The following TM2D1 variants were observed in gnomAD, a reference collection of about 807,000 sequenced individuals.
TM2D1 encodes TM2 domain containing 1.
A neutral mutation model predicts 28.4 loss-of-function variants in TM2D1; 15 were observed. That is an observed-to-expected ratio of 0.53 (90% CI 0.35 to 0.81). The LOEUF (loss-of-function observed/expected upper bound fraction) is 0.81. TM2D1 is among the 40% of genes least tolerant of loss of function. The pLI is 0.01. For synonymous variants in TM2D1, 93 were observed against 96.2 expected, an observed-to-expected ratio of 0.97 and a Z score of 0.20; for missense variants, 236 against 254.9, an observed-to-expected ratio of 0.93 and a Z score of 0.50.
chr1:61,709,284 T>C lies in TM2D1; in HGVS notation c.347+45A>G, dbSNP rs764547012. On this transcript the variant is annotated intron_variant, in intron 3 of 6. Coordinates refer to ENST00000606498, the MANE Select transcript of TM2D1 (RefSeq NM_032027.3). ...CTCTCTTCATGCAATGAAGATATAA[T>C]ATAGGCAAGTAATCTGAAAATTTAA... The C allele has an allele frequency of 2.5e-6, 3 of 1,192,226 alleles. No individual in the cohort carries two copies. In the East Asian group the frequency reaches 7.1e-5, roughly 28 times the overall value. The allele number at this position is 1,192,226 out of a possible 1,614,324, so 73.9% of individuals were successfully genotyped here.
At chr1:61,720,238 C>T (rs1644553564) in intron 2 of TM2D1, among the ~76,000 whole-genome samples, 1 of 151,626 alleles carries the variant, frequency 6.6e-6, no homozygotes, top group Non-Finnish European at 1.5e-5. Flanking sequence ...AGACAGGACA[C>T]TTCTTTTTTT....
At chr1:61,716,501 A>G (rs1644522547) in intron 2 of TM2D1, among the ~76,000 whole-genome samples, 1 of 145,664 alleles carries the variant, frequency 6.9e-6, no homozygotes, top group African/African-American at 2.5e-5. Context: ...ATATAATTAT[A>G]TATAATTTTA....
At chr1:61,724,362 G>A (rs577866034) in intron 1 of TM2D1, 2 of 152,640 alleles carry the variant, frequency 1.3e-5, no homozygotes, top group South Asian at 2.1e-4. Context: ...GAACCCGGGA[G>A]GCGGAGGCTG....
At chr1:61,689,122 A>G (rs530014066) in intron 5 of TM2D1, among the ~76,000 whole-genome samples, 1 of 152,306 alleles carries the variant, frequency 6.6e-6, no homozygotes, top group African/African-American at 2.4e-5. Flanking sequence ...CCTTTCCAGC[A>G]TTGGTAGTAG....
At chr1:61,695,571 G>T (rs1430262907) in intron 4 of TM2D1, among the ~76,000 whole-genome samples, 2 of 152,056 alleles carry the variant, frequency 1.3e-5, no homozygotes, top group Non-Finnish European at 2.9e-5. Context: ...TATAAGACAA[G>T]ACTCTTTGTG....
chr1:61,691,931 AAATATATAT>A (rs1461955837), intron 5 of TM2D1, among the ~76,000 whole-genome samples: 1 of 95,390 alleles, frequency 1.0e-5, no homozygotes, highest in Non-Finnish European at 2.0e-5. Context: ...TAAAAAAAAA[AAATATATAT>A]ATATATATAT....
chr1:61,717,375 A>G (rs1465977755), intron 2 of TM2D1, among the ~76,000 whole-genome samples: 2 of 152,110 alleles, frequency 1.3e-5, no homozygotes, highest in Non-Finnish European at 2.9e-5. Context: ...CTCAAAAAAA[A>G]AAAAAGAAGC....
intron 3 of TM2D1, among the ~76,000 whole-genome samples, chr1:61,703,737 T>C (rs901949883): frequency 3.2e-5 from 4 of 123,404 alleles, no homozygotes; most frequent in African/African-American, 1.4e-4. Context: ...TATATATATA[T>C]ATATATATAT....
intron 2 of TM2D1, among the ~76,000 whole-genome samples, chr1:61,717,050 T>C (rs1644527257): frequency 6.6e-6 from 1 of 151,898 alleles, no homozygotes; most frequent in Non-Finnish European, 1.5e-5. Context: ...TATGACAAGA[T>C]CAAACAAGCC....
chr1:61,698,826 C>A (rs1644382119), intron 4 of TM2D1: 1 of 151,836 alleles, frequency 6.6e-6, no homozygotes. Context: ...CTCAAGCAAT[C>A]CCCCAACCTC....
chr1:61,691,932 A>AAAAAAAAAAAAAT, intron 5 of TM2D1, among the ~76,000 whole-genome samples: 1 of 76,402 alleles, frequency 1.3e-5, no homozygotes, highest in African/African-American at 4.7e-5. Flanking sequence ...AAAAAAAAAA[A>AAAAAAAAAAAAAT]ATATATATAT....
At chr1:61,719,735 C>A (rs1289479365) in intron 2 of TM2D1, among the ~76,000 whole-genome samples, 1 of 151,816 alleles carries the variant, frequency 6.6e-6, no homozygotes, top group East Asian at 1.9e-4. Context: ...CCTCAGGTGA[C>A]CCACCTGCCT....
intron 4 of TM2D1, chr1:61,697,888 AAAGAT>A (rs1245693393): frequency 6.6e-5 from 10 of 152,200 alleles, no homozygotes; most frequent in Admixed American, 2.0e-4. Context: ...AGTTCCAAAC[AAAGAT>A]ATTATTCCCT....
At chr1:61,719,528 T>G (rs576151332) in intron 2 of TM2D1, among the ~76,000 whole-genome samples, 1 of 152,220 alleles carries the variant, frequency 6.6e-6, no homozygotes, top group Non-Finnish European at 1.5e-5. Flanking sequence ...GTTTCACTCT[T>G]GTTGCCCAGG....
intron 4 of TM2D1, among the ~76,000 whole-genome samples, chr1:61,695,353 T>C (rs553293000): frequency 1.5e-4 from 23 of 152,290 alleles, no homozygotes; most frequent in Non-Finnish European, 2.9e-4. Context: ...CTGAGCACTA[T>C]ATACAGCTTT....
chr1:61,711,837 C>A lies in TM2D1; in HGVS notation c.239-2400G>T, dbSNP rs181927861. 6.4e-3 allele frequency among the ~76,000 whole-genome samples: 973 copies of A among 151,972 alleles called. 4 individuals carry two copies. The highest frequency in any genetic ancestry group is 0.017 in the Middle Eastern group (5 of 292). ...GTAGACAACTCAAAGTTGAGGTCAG[C>A]AAAAGTCTGAAATGTTGATATAAAT... On this transcript the variant is annotated intron_variant, in intron 2 of 6. Coordinates refer to ENST00000606498, the MANE Select transcript of TM2D1 (RefSeq NM_032027.3).
At chr1:61,693,776 A>C (rs962288936) in intron 5 of TM2D1, among the ~76,000 whole-genome samples, 2 of 152,246 alleles carry the variant, frequency 1.3e-5, no homozygotes, top group African/African-American at 2.4e-5. Context: ...ATGAGAAAGC[A>C]GAGCAAAACA....
intron 2 of TM2D1, among the ~76,000 whole-genome samples, chr1:61,713,495 A>C (rs1338310909): frequency 5.9e-5 from 8 of 135,992 alleles, no homozygotes; most frequent in African/African-American, 1.1e-4. Flanking sequence ...AAACAAAAAA[A>C]AAAAAAAAAA....
chr1:61,697,290 T>C (rs1644369930), intron 4 of TM2D1, among the ~76,000 whole-genome samples: 1 of 152,160 alleles, frequency 6.6e-6, no homozygotes, highest in African/African-American at 2.4e-5. Context: ...TTAAATGTGT[T>C]ACTCCAGGAG....
Sources: gnomAD v4.1 joint callset for allele counts (sites outside exome capture counted in the v4.1 genomes callset) on GRCh38, gnomAD v4.1.1 for gene constraint, MANE v1.5 for transcripts, NCBI Gene and HGNC (gene_info 2026-07-23, HGNC 2026-07-21) for gene names.